Variants in CORO2B observed in about 807,000 individuals in gnomAD.
CORO2B encodes coronin-2B.
CORO2B carries 26 observed loss-of-function variants against 58.8 expected under a neutral mutation model. The observed-to-expected ratio is 0.44, with a 90% CI of 0.32 to 0.61. CORO2B has a LOEUF of 0.61. CORO2B is among the 20% of genes least tolerant of loss of function. CORO2B has a pLI of 0.04. For synonymous variants in CORO2B, 242 were observed against 253.8 expected (o/e 0.95, Z 0.44); for missense variants, 460 against 645.1 (o/e 0.71, Z 3.11).
At chr15:68,575,253 C>G (rs1160318592), upstream of CORO2B, among the ~76,000 whole-genome samples, 1 of 152,088 alleles carries the variant, frequency 6.6e-6, no homozygotes, top group Non-Finnish European at 1.5e-5. Context: ...GGCTGACAGG[C>G]AATTCTGTAT....
intron 1 of CORO2B, among the ~76,000 whole-genome samples, chr15:68,623,007 AT>A (rs966842017): frequency 6.6e-6 from 1 of 152,192 alleles, no homozygotes; most frequent in African/African-American, 2.4e-5. Flanking sequence ...TCTTTTAAAG[AT>A]GAGAAGCATA....
the CORO2B span, among the ~76,000 whole-genome samples, chr15:68,523,704 C>A: frequency 2.0e-5 from 3 of 152,256 alleles, no homozygotes; most frequent in Admixed American, 6.5e-5. Context: ...TAGAACTGTC[C>A]TTTTTTGTTC....
Position 68,695,388 on chromosome 15 carries a change from G to T in CORO2B, c.333+132G>T. The T allele has an allele frequency of 2.4e-5, 17 of 698,444 alleles. No individual in the cohort carries two copies. The South Asian group carries it at 2.7e-4, about 11-fold the overall frequency. The allele number at this position is 698,444 out of a possible 1,614,324, so 43.3% of individuals were successfully genotyped here. ...CTCCTCTTTGTCATCTTTCCAGCAA[G>T]CCCCACGATGTGGGGGGGATGGGAG... On this transcript the variant is annotated intron_variant, in intron 3 of 11. Transcript: ENST00000261861.
chr15:68,591,037 C>G (rs1899691680), intron 1 of CORO2B, among the ~76,000 whole-genome samples: 1 of 152,192 alleles, frequency 6.6e-6, no homozygotes. Flanking sequence ...AGGGATGAAC[C>G]AAAGCAGTCT....
At chr15:68,599,200 G>A (rs982504356) in intron 1 of CORO2B, among the ~76,000 whole-genome samples, 6 of 152,112 alleles carry the variant, frequency 3.9e-5, no homozygotes, top group African/African-American at 9.7e-5. Flanking sequence ...CCCAAAGTGC[G>A]ACCTCCTCCA....
intron 3 of CORO2B, among the ~76,000 whole-genome samples, chr15:68,702,955 T>C (rs562205664): frequency 6.6e-6 from 1 of 150,524 alleles, no homozygotes; most frequent in South Asian, 2.1e-4. Flanking sequence ...GCCTCCCAAG[T>C]AGCTGGGACT....
chr15:68,611,234 A>T (rs985123022), intron 1 of CORO2B, among the ~76,000 whole-genome samples: 8 of 152,210 alleles, frequency 5.3e-5, no homozygotes, highest in Non-Finnish European at 5.9e-5. Flanking sequence ...ATTTATTTTT[A>T]AAAAATAACA....
chr15:68,575,206 A>G (rs1465041609), upstream of CORO2B, among the ~76,000 whole-genome samples: 3 of 152,160 alleles, frequency 2.0e-5, no homozygotes, highest in African/African-American at 4.8e-5. Context: ...TCAGCCCTCA[A>G]ACAATGGGGA....
chr15:68,612,236 A>C (rs568813088), intron 1 of CORO2B, among the ~76,000 whole-genome samples: 1 of 152,370 alleles, frequency 6.6e-6, no homozygotes, highest in Admixed American at 6.5e-5. Context: ...TCTAAAAGTA[A>C]ATATGTGAAT....
chr15:68,703,978 G>C (rs139617494), intron 3 of CORO2B, among the ~76,000 whole-genome samples: 427 of 151,652 alleles, frequency 2.8e-3, no homozygotes, highest in African/African-American at 9.8e-3. Flanking sequence ...CAGATCACTT[G>C]AGCTCAGGAG....
At chr15:68,616,500 G>C in intron 1 of CORO2B, 1 of 980,000 alleles carries the variant, frequency 1.0e-6, no homozygotes, top group African/African-American at 1.7e-5. Flanking sequence ...TTACTGCCAT[G>C]CTCCACTCCC....
chr15:68,538,089 AT>A, the CORO2B span, among the ~76,000 whole-genome samples: 1 of 152,238 alleles, frequency 6.6e-6, no homozygotes, highest in Admixed American at 6.5e-5. Context: ...TCAGAGAAAT[AT>A]ATAATTTTGT....
chr15:68,723,703 T>C (rs111789763), intron 11 of CORO2B, among the ~76,000 whole-genome samples: 26,620 of 151,922 alleles, frequency 0.18, 2,869 homozygotes, highest in Non-Finnish European at 0.24. Context: ...CCACCCACCT[T>C]GGCCTCCTAA....
At chr15:68,545,928 T>A in the CORO2B span, among the ~76,000 whole-genome samples, 3 of 152,170 alleles carry the variant, frequency 2.0e-5, no homozygotes, top group Non-Finnish European at 1.5e-5. Context: ...ACTCAGAGAC[T>A]TGGCATTTCC....
chr15:68,683,501 A>T (rs1902860375), intron 2 of CORO2B, among the ~76,000 whole-genome samples: 1 of 152,130 alleles, frequency 6.6e-6, no homozygotes, highest in Non-Finnish European at 1.5e-5. Flanking sequence ...ATTTGCATAG[A>T]TGCTGTCATG....
In CORO2B at chr15:68,598,631, G is replaced by T. The variant is rs186392942; in HGVS notation, c.15+19354G>T. ...CCCTGGAGCCCGCTTGGCCTTGAAC[G>T]CCCCTCTGCAGCAGCGTACTCTCCC... On this transcript the variant is annotated intron_variant, in intron 1 of 11. Transcript: ENST00000261861. 5.9e-5 allele frequency among the ~76,000 whole-genome samples: 9 copies of T among 152,186 alleles called. No individual in the cohort carries two copies. In the East Asian group the frequency reaches 1.7e-3, roughly 29 times the overall value.
At chr15:68,618,962 G>T (rs561085117) in intron 1 of CORO2B, among the ~76,000 whole-genome samples, 14 of 152,276 alleles carry the variant, frequency 9.2e-5, no homozygotes, top group African/African-American at 2.6e-4. Flanking sequence ...ATCTAGGAGA[G>T]GATCACAGTG....
At chr15:68,565,343 A>G in the CORO2B span, among the ~76,000 whole-genome samples, 1 of 151,490 alleles carries the variant, frequency 6.6e-6, no homozygotes, top group Non-Finnish European at 1.5e-5. Flanking sequence ...GCATGCATAT[A>G]TATATGCATA....
the CORO2B span, among the ~76,000 whole-genome samples, chr15:68,545,566 A>C: frequency 7.0e-6 from 1 of 142,290 alleles, no homozygotes; most frequent in African/African-American, 2.6e-5. Flanking sequence ...GATCAGTCTC[A>C]GAGCCCCTCC....
Sources: gnomAD v4.1 joint callset for allele counts (sites outside exome capture counted in the v4.1 genomes callset) on GRCh38, gnomAD v4.1.1 for gene constraint, MANE v1.5 for transcripts, NCBI Gene and HGNC (gene_info 2026-07-23, HGNC 2026-07-21) for gene names.